Variants in RAPGEF3 observed in about 807,000 individuals in gnomAD.
RAPGEF3 encodes 9330170P05Rik.
In RAPGEF3, 103 loss-of-function variants were observed where a neutral mutation model predicts 129.8. The ratio of observed to expected loss-of-function variants is 0.79; its 90% CI spans 0.68 to 0.93. The LOEUF (loss-of-function observed/expected upper bound fraction) is 0.93. Among genes scored for constraint, RAPGEF3 ranks in the 40% least tolerant of loss-of-function variants. The pLI is 0.00. For synonymous variants in RAPGEF3, 436 were observed against 482.6 expected, an observed-to-expected ratio of 0.90 and a Z score of 1.26; for missense variants, 1,117 against 1,207.4, an observed-to-expected ratio of 0.93 and a Z score of 1.11.
intron 27 of RAPGEF3, 134 bp downstream of exon 27, chr12:47,737,888 T>C: frequency 7.9e-7 from 1 of 1,260,318 alleles, no homozygotes; most frequent in South Asian, 1.3e-5. Flanking sequence ...GCACAGAGGC[T>C]GAACATTATC....
intron 18 of RAPGEF3, 123 bp downstream of exon 18, chr12:47,743,407 G>A: frequency 7.8e-7 from 1 of 1,290,054 alleles, no homozygotes; most frequent in Non-Finnish European, 1.1e-6. Flanking sequence ...ATTAATGCTA[G>A]CCATCATTCA....
At chr12:47,741,661 G>T in intron 18 of RAPGEF3, 59 bp from the exon 19 acceptor site, 5 of 1,415,644 alleles carry the variant, frequency 3.5e-6, no homozygotes, top group Non-Finnish European at 5.0e-6. Flanking sequence ...GGGACCAGCT[G>T]GATGCCAGGG....
chr12:47,738,855 C>A, intron 24 of RAPGEF3, 101 bp from the exon 25 acceptor site: 1 of 1,051,418 alleles, frequency 9.5e-7, no homozygotes, highest in South Asian at 1.3e-5. Flanking sequence ...CTACCTCACC[C>A]CATAGAGCCC....
chr12:47,738,730 T>C lies in RAPGEF3; in HGVS notation c.2486A>G (p.Asn829Ser). The C allele has an allele frequency of 1.2e-6, 2 of 1,611,272 alleles. No homozygotes were observed. The highest frequency in any genetic ancestry group is 2.2e-5 in the East Asian group (1 of 44,874). Residue 829 changes from asparagine to serine, a missense_variant, in exon 25 of 28, where the codon AAC (asparagine) becomes AGC (serine). Asn to Ser is a conservative substitution (Grantham distance 46, BLOSUM62 1). Around this residue, in one of 3 missense-constraint regions of RAPGEF3, gnomAD observed 643 missense variants for 673.4 expected, o/e 0.95. Transcript: ENST00000449771. ...LKDMTFIHEG[N>S]HTLVENLINF... Reference sequence around the variant, plus strand: ...GATGAGATTCTCCACTAGTGTGTGGTTTCCCTCATGAATGAAGGTCATGTC... The same window carrying C: ...GATGAGATTCTCCACTAGTGTGTGGCTTCCCTCATGAATGAAGGTCATGTC...
rs199681497 is a variant in RAPGEF3, at chr12:47,749,880, T to C, written c.817+50A>G. On this transcript the variant is annotated intron_variant, in intron 8 of 27. Coordinates refer to ENST00000449771, the MANE Select transcript of RAPGEF3 (RefSeq NM_001098531.4). The surrounding 1 kb of genome is among the most constrained non-coding windows in gnomAD (Gnocchi z 4.5). ...CCTACCATTCCTTCACACATCCTTC[T>C]GCCCATGTCCAGGCCCTGTGCCTGG... is the stretch of plus-strand genomic sequence containing the variant. 426 of 1,613,798 alleles carry C rather than the reference T, an allele frequency of 2.6e-4. 2 individuals carry two copies. The highest frequency in any genetic ancestry group is 2.5e-4 in the Non-Finnish European group (295 of 1,179,638).
Position 47,751,618 on chromosome 12 carries a change from T to C in RAPGEF3, c.381-98A>G, listed in dbSNP as rs540841545. 1.5e-5 allele frequency: 24 copies of C among 1,599,320 alleles called. No homozygotes were observed. The South Asian group carries it at 1.8e-4, about 12-fold the overall frequency. ...GGCACCCTCTGAGGCCCAAGCCTGG[T>C]TCGTCCCTGTGCTAGAAGCAGGGTG... On this transcript the variant is annotated intron_variant, in intron 4 of 27. Coordinates refer to ENST00000449771, the MANE Select transcript of RAPGEF3 (RefSeq NM_001098531.4).
At chr12:47,757,140 G>A (rs577269465) in intron 2 of RAPGEF3, among the ~76,000 whole-genome samples, 7 of 152,272 alleles carry the variant, frequency 4.6e-5, no homozygotes, top group Middle Eastern at 6.8e-3. Context: ...ACACGCAGTG[G>A]AGACATAACT....
Position 47,749,125 on chromosome 12 carries a change from A to G in RAPGEF3, c.1042-194T>C. The G allele has an allele frequency of 1.6e-6, 1 of 635,228 alleles. No homozygotes were observed. Among genetic ancestry groups the G allele is most frequent in the Non-Finnish European group, 2.7e-6 (1 of 365,276 alleles). 39.3% of individuals were successfully genotyped at this position (635,228 alleles called of 1,614,324 possible). A position where few individuals can be genotyped will look rare whatever the true frequency, so the allele number is the denominator to read the frequency against. On this transcript the variant is annotated intron_variant, in intron 10 of 27. Transcript: ENST00000449771. This position sits in a 1 kb window ranked among gnomAD's most constrained non-coding sequence, Gnocchi z 4.5. ...ATGCATCCTGCCTCCCCCACAGCCT[A>G]GTCCCCCGCCCCCTGCATGCCCATC... is the stretch of plus-strand genomic sequence containing the variant.
chr12:47,751,909 C>A lies in RAPGEF3; in HGVS notation c.273+7G>T, dbSNP rs971564856. 6 of 1,614,044 alleles carry A rather than the reference C, an allele frequency of 3.7e-6. No individual in the cohort carries two copies. The highest frequency in any genetic ancestry group is 5.1e-6 in the Non-Finnish European group (6 of 1,180,010). On this transcript the variant is annotated splice_region_variant and intron_variant, in intron 3 of 27. Coordinates refer to ENST00000449771, the MANE Select transcript of RAPGEF3 (RefSeq NM_001098531.4). ...CTGTCCCAGCTCCACCCTGCCCAGG[C>A]TTCTACCTGCTCCAGGCTCTCGCTG... is the stretch of plus-strand genomic sequence containing the variant.
chr12:47,744,309 T>C, intron 16 of RAPGEF3: 1 of 558,260 alleles, frequency 1.8e-6, no homozygotes, highest in South Asian at 2.1e-5. Flanking sequence ...GTGTGTGTGC[T>C]TCTGCATCTG....
chr12:47,737,747 T>C (rs1592529847), intron 27 of RAPGEF3, 62 bp from the exon 28 acceptor site: 1 of 1,464,016 alleles, frequency 6.8e-7, no homozygotes. Flanking sequence ...ACCTTTCCCC[T>C]CCAAGGAGCC....
Position 47,740,323 on chromosome 12 carries a change from G to A in RAPGEF3, c.2304C>T (p.Arg768=). ...MFGLSNSAIS[R]LAHTWERLPH... is the part of the protein sequence containing the mutation. ...CACTTACCTCCCAGGTGTGGGCTAG[G>A]CGGCTGATGGCCGAGTTGCTGAGGC... Residue 768 remains arginine (R), a synonymous_variant, in exon 22 of 28, where the codon CGC becomes CGT. Coordinates refer to ENST00000449771, the MANE Select transcript of RAPGEF3 (RefSeq NM_001098531.4). 6.2e-7 allele frequency: 1 copy of A among 1,614,150 alleles called. No individual in the cohort carries two copies. Among genetic ancestry groups the A allele is most frequent in the Non-Finnish European group, 8.5e-7 (1 of 1,180,010 alleles).
intron 2 of RAPGEF3, 50 bp from the exon 3 acceptor site, chr12:47,752,019 A>T: frequency 6.3e-7 from 1 of 1,590,880 alleles, no homozygotes; most frequent in South Asian, 1.1e-5. Flanking sequence ...CTTCAAGCCC[A>T]GCTCTTGGAT....
chr12:47,738,748 G>A lies in RAPGEF3; in HGVS notation c.2468C>T (p.Thr823Ile), dbSNP rs761133136. The A allele has an allele frequency of 3.1e-6, 5 of 1,608,898 alleles. No homozygotes were observed. In the South Asian group the frequency reaches 4.4e-5, roughly 14 times the overall value. ...TGTGTGGTTTCCCTCATGAATGAAG[G>A]TCATGTCTGCAAAGAGATGGGTTTT... is the stretch of plus-strand genomic sequence containing the variant. ...PFMPLLLKDM[T>I]FIHEGNHTLV... The change falls in exon 25 of 28, where the codon ACC (threonine) becomes ATC (isoleucine). Residue 823 changes from threonine to isoleucine, a missense_variant. Transcript: ENST00000449771.
chr12:47,751,557 G>A (rs1941748830), intron 4 of RAPGEF3, 37 bp from the exon 5 acceptor site: 11 of 1,612,970 alleles, frequency 6.8e-6, no homozygotes, highest in Non-Finnish European at 9.3e-6. Context: ...AGTGGAAGGA[G>A]GGTGGCAGGG....
Position 47,749,985 on chromosome 12 carries a change from C to T in RAPGEF3, c.762G>A (p.Lys254=), listed in dbSNP as rs1219407625. 5.6e-6 allele frequency: 9 copies of T among 1,614,264 alleles called. No individual in the cohort carries two copies. The East Asian group carries it at 1.8e-4, about 32-fold the overall frequency. The change falls in exon 8 of 28, where the codon AAG becomes AAA. Residue 254 remains lysine (K), a synonymous_variant. Coordinates refer to ENST00000449771, the MANE Select transcript of RAPGEF3 (RefSeq NM_001098531.4). This position sits in a 1 kb window ranked among gnomAD's most constrained non-coding sequence, Gnocchi z 4.5. ...AGAGCAGAACAGCCGCTAATTCTCG[C>T]TTCACCTGTGTGGTGGAGATAGGAG... ...KAVAHLSNSV[K]RELAAVLLFE... is the part of the protein sequence containing the mutation.
Position 47,738,110 on chromosome 12 carries a change from G to A in RAPGEF3, c.2582-17C>T. On this transcript the variant is annotated splice_polypyrimidine_tract_variant and intron_variant, in intron 26 of 27. Coordinates refer to ENST00000449771, the MANE Select transcript of RAPGEF3 (RefSeq NM_001098531.4). ...AGAGAGGCACTGCGGGGGTGGGGAG[G>A]GGTCATGGAGTCAGGGCCACCCTGG... The A allele has an allele frequency of 6.2e-7, 1 of 1,614,048 alleles. No homozygotes were observed. Among genetic ancestry groups the A allele is most frequent in the African/African-American group, 1.3e-5 (1 of 75,038 alleles).
Position 47,738,009 on chromosome 12 carries a change from G to T in RAPGEF3, c.2653+13C>A, listed in dbSNP as rs369977978. The T allele has an allele frequency of 1.6e-6, 2 of 1,272,364 alleles. No homozygotes were observed. The highest frequency in any genetic ancestry group is 3.6e-5 in the East Asian group (1 of 27,644). 78.8% of individuals were successfully genotyped at this position (1,272,364 alleles called of 1,614,324 possible). ...ACCCCCTCCCTGCCCACCCACCATCGCCCACCACTTACATGTGGAAATCCT... is the reference window on the plus strand; with the variant it reads ...ACCCCCTCCCTGCCCACCCACCATCTCCCACCACTTACATGTGGAAATCCT... On this transcript the variant is annotated intron_variant, in intron 27 of 27. Transcript: ENST00000449771.
chr12:47,747,669 C>T (rs2136777386), intron 14 of RAPGEF3, 43 bp from the exon 15 acceptor site: 2 of 1,612,274 alleles, frequency 1.2e-6, no homozygotes, highest in East Asian at 2.2e-5. Context: ...TAGCTGCATC[C>T]ACCCCGGGCA....
Sources: allele counts gnomAD v4.1 joint callset (sites outside exome capture counted in the v4.1 genomes callset), GRCh38; gene constraint gnomAD v4.1.1; regional missense constraint gnomAD v4.1.1; non-coding constraint Gnocchi (gnomAD v3.1); transcripts MANE v1.5; gene names NCBI Gene and HGNC (gene_info 2026-07-23, HGNC 2026-07-21).